Variants in ZNF512 observed in about 807,000 individuals in gnomAD.
The protein encoded by ZNF512 is zinc finger protein 512.
ZNF512 carries 25 observed loss-of-function variants against 77.5 expected under a neutral mutation model. That is an observed-to-expected ratio of 0.32 (90% CI 0.23 to 0.45). The LOEUF (loss-of-function observed/expected upper bound fraction) is 0.45, where lower values mean the gene tolerates loss of function less well. Ranked by LOEUF, ZNF512 falls within the 20% of genes least tolerant of loss-of-function variation. The pLI is 1.00. For missense variants in ZNF512, 483 were observed against 692.6 expected (o/e 0.70, Z 3.40); for synonymous variants, 246 against 239.9 (o/e 1.03, Z -0.24).
chr2:27,615,067 A>G, intron 10 of ZNF512, 101 bp from the exon 11 acceptor site: 1 of 701,148 alleles, frequency 1.4e-6, no homozygotes, highest in Non-Finnish European at 2.5e-6. Context: ...AAGAGTATAG[A>G]TTTCAGAATT....
chr2:27,615,065 A>G, intron 10 of ZNF512, 103 bp from the exon 11 acceptor site: 1 of 689,442 alleles, frequency 1.5e-6, no homozygotes, highest in South Asian at 2.0e-5. Flanking sequence ...ACAAGAGTAT[A>G]GATTTCAGAA....
At chr2:27,590,403 T>A (rs538406572) in intron 2 of ZNF512, among the ~76,000 whole-genome samples, 1 of 152,350 alleles carries the variant, frequency 6.6e-6, no homozygotes, top group Non-Finnish European at 1.5e-5. Context: ...TATGATACAA[T>A]TTTTTCATCT....
At chr2:27,616,628 A>G (rs1432748200) in intron 12 of ZNF512, among the ~76,000 whole-genome samples, 3 of 152,218 alleles carry the variant, frequency 2.0e-5, no homozygotes, top group Non-Finnish European at 4.4e-5. Context: ...GCATTTGAGC[A>G]TCTCCTACAC....
chr2:27,618,448 A>G (rs1472128401), intron 13 of ZNF512, among the ~76,000 whole-genome samples: 1 of 152,242 alleles, frequency 6.6e-6, no homozygotes, highest in Non-Finnish European at 1.5e-5. Flanking sequence ...GTATTAAATA[A>G]TAGTATTGTG....
chr2:27,617,001 C>T (rs1312943761), intron 12 of ZNF512: 1 of 161,504 alleles, frequency 6.2e-6, no homozygotes, highest in Non-Finnish European at 1.4e-5. Flanking sequence ...CATCTTGATC[C>T]TAGTTTCTGA....
Position 27,610,564 on chromosome 2 carries a change from ATATATTTTTTTTTTTTTTTT to A in ZNF512, c.1131+2527_1131+2546del, listed in dbSNP as rs1572930055. The stretch of plus-strand genomic sequence containing the variant: ...TGTGTGTATATATATATATATATAT[ATATATTTTTTTTTTTTTTTT>A]TTTTTTTTTTTTTTTTGAGACAGCG... On this transcript the variant is annotated intron_variant, in intron 10 of 13. Transcript: ENST00000355467. Among the ~76,000 whole-genome samples the A allele has an allele frequency of 5.0e-4, 15 of 29,706 alleles. 1 individual carries two copies. Among genetic ancestry groups the A allele is most frequent in the African/African-American group, 1.2e-3 (9 of 7,764 alleles). 19.5% of individuals were successfully genotyped at this position (29,706 alleles called of 152,430 possible). A position where few individuals can be genotyped will look rare whatever the true frequency, so the allele number is the denominator to read the frequency against.
At chr2:27,606,793 T>TA (rs971081455) in intron 9 of ZNF512, among the ~76,000 whole-genome samples, 4 of 152,248 alleles carry the variant, frequency 2.6e-5, no homozygotes, top group African/African-American at 7.2e-5. Context: ...TTCCTCTGCT[T>TA]AGAGTCTCAC....
chr2:27,604,039 A>T (rs542195746), intron 9 of ZNF512, among the ~76,000 whole-genome samples: 1 of 152,020 alleles, frequency 6.6e-6, no homozygotes, highest in African/African-American at 2.4e-5. Flanking sequence ...CAATTCTCCT[A>T]CTTCAGCTTC....
intron 2 of ZNF512, among the ~76,000 whole-genome samples, chr2:27,595,976 C>T (rs926536313): frequency 6.6e-6 from 1 of 152,076 alleles, no homozygotes; most frequent in African/African-American, 2.4e-5. Context: ...GGAATTTATC[C>T]TCATCATTGT....
intron 2 of ZNF512, among the ~76,000 whole-genome samples, chr2:27,587,785 T>G (rs6742639): frequency 0.085 from 12,871 of 151,918 alleles, 1,859 homozygotes; most frequent in African/African-American, 0.3. Context: ...AGATTCAAGC[T>G]ATTCTTCTGC....
At chr2:27,594,333 A>T (rs1439017130) in intron 2 of ZNF512, among the ~76,000 whole-genome samples, 1 of 144,024 alleles carries the variant, frequency 6.9e-6, no homozygotes, top group African/African-American at 2.6e-5. Flanking sequence ...CACCTCCTAA[A>T]CGGGGTGGCG....
rs1266395392 is a variant in ZNF512 at position 27,592,804 on chromosome 2, G to A, written c.90-5263G>A. Among the ~76,000 whole-genome samples the A allele has an allele frequency of 2.7e-5, 4 of 147,474 alleles. No homozygotes were observed. In the South Asian group the frequency reaches 6.5e-4, roughly 24 times the overall value. Reference sequence around the variant, plus strand: ...AGGTGCAAGCGATTCTTCTGCTTCAGCCTACTGAGTAGCTGGGATTATAGG... The same window carrying A: ...AGGTGCAAGCGATTCTTCTGCTTCAACCTACTGAGTAGCTGGGATTATAGG... On this transcript the variant is annotated intron_variant, in intron 2 of 13. Coordinates refer to ENST00000355467, the MANE Select transcript of ZNF512 (RefSeq NM_032434.4).
chr2:27,603,798 A>T (rs1450309094), intron 9 of ZNF512, among the ~76,000 whole-genome samples: 1 of 151,618 alleles, frequency 6.6e-6, no homozygotes, highest in Non-Finnish European at 1.5e-5. Context: ...GGGTCTCATT[A>T]TGTAGCACAG....
chr2:27,620,086 A>C (rs911775531), intron 13 of ZNF512, among the ~76,000 whole-genome samples: 1 of 152,206 alleles, frequency 6.6e-6, no homozygotes, highest in Non-Finnish European at 1.5e-5. Context: ...TATAATTTAA[A>C]ATTTTCTAGT....
At chr2:27,593,794 T>A (rs1671711891) in intron 2 of ZNF512, among the ~76,000 whole-genome samples, 1 of 151,980 alleles carries the variant, frequency 6.6e-6, no homozygotes, top group African/African-American at 2.4e-5. Flanking sequence ...TTTTTTTTTT[T>A]TCCATTTAAC....
intron 9 of ZNF512, among the ~76,000 whole-genome samples, chr2:27,605,320 G>A (rs1279718547): frequency 6.6e-6 from 1 of 151,882 alleles, no homozygotes. Flanking sequence ...GGGTGTGGGT[G>A]GTGCACGCCT....
chr2:27,617,635 A>G (rs1319008415), intron 13 of ZNF512, 64 bp downstream of exon 13: 2 of 776,332 alleles, frequency 2.6e-6, no homozygotes, highest in Non-Finnish European at 4.8e-6. Flanking sequence ...CTTTGTCCCT[A>G]TTGTTATGGA....
intron 1 of ZNF512, 82 bp downstream of exon 1, chr2:27,583,224 G>A: frequency 6.2e-7 from 1 of 1,601,890 alleles, no homozygotes; most frequent in South Asian, 1.1e-5. Context: ...TTTGTCCCAT[G>A]CTGAGTTGGT....
chr2:27,603,280 A>C lies in ZNF512; in HGVS notation c.909A>C (p.Ala303=). Reference sequence around the variant, plus strand: ...CATATAGGTCGAAGGCTGGACTTGCATATCACCTGAGGTCAGAGCATGGGC... The same window carrying C: ...CATATAGGTCGAAGGCTGGACTTGCCTATCACCTGAGGTCAGAGCATGGGC... ...GKPYRSKAGL[A]YHLRSEHGPI... is the part of the protein sequence containing the mutation. The change falls in exon 9 of 14, where the codon GCA becomes GCC. Residue 303 remains alanine, a synonymous_variant. Coordinates refer to ENST00000355467, the MANE Select transcript of ZNF512 (RefSeq NM_032434.4). 1 of 1,613,986 alleles carries C rather than the reference A, an allele frequency of 6.2e-7. No individual in the cohort carries two copies. Among genetic ancestry groups the C allele is most frequent in the Non-Finnish European group, 8.5e-7 (1 of 1,179,912 alleles).
Sources: allele counts gnomAD v4.1 joint callset (sites outside exome capture counted in the v4.1 genomes callset), GRCh38; gene constraint gnomAD v4.1.1; transcripts MANE v1.5; gene names NCBI Gene and HGNC (gene_info 2026-07-23, HGNC 2026-07-21).